The following GPC6 variants were observed in gnomAD, a reference collection of about 807,000 sequenced individuals.
GPC6 encodes glypican 6, also known as glypican-6.
GPC6 carries 14 observed loss-of-function variants against 55.2 expected under a neutral mutation model. That is an observed-to-expected ratio of 0.25 (90% CI 0.17 to 0.40). The LOEUF (loss-of-function observed/expected upper bound fraction) is 0.40. Among genes scored for constraint, GPC6 ranks in the 10% least tolerant of loss-of-function variants. The pLI is 1.00. For synonymous variants in GPC6, 278 were observed against 259.6 expected (o/e 1.07, Z -0.68); for missense variants, 641 against 708.5 (o/e 0.90, Z 1.08).
chr13:93,353,751 C>T (rs1423004577), intron 1 of GPC6, among the ~76,000 whole-genome samples: 3 of 152,160 alleles, frequency 2.0e-5, no homozygotes, highest in African/African-American at 7.2e-5. Flanking sequence ...GTAAGTTGGG[C>T]GGAAATCCTT....
intron 2 of GPC6, among the ~76,000 whole-genome samples, chr13:93,811,920 T>G (rs1886705200): frequency 6.6e-6 from 1 of 152,064 alleles, no homozygotes; most frequent in African/African-American, 2.4e-5. Context: ...GCAGCCACAC[T>G]TACTGTTATA....
intron 2 of GPC6, among the ~76,000 whole-genome samples, chr13:93,684,259 C>T (rs78893376): frequency 1.3e-5 from 2 of 152,096 alleles, no homozygotes; most frequent in East Asian, 3.9e-4. Flanking sequence ...AATCTTGGCT[C>T]ACTGCAACCT....
chr13:93,828,019 T>C (rs1887329232), intron 2 of GPC6, among the ~76,000 whole-genome samples: 1 of 152,096 alleles, frequency 6.6e-6, no homozygotes, highest in Non-Finnish European at 1.5e-5. Flanking sequence ...TTTTTTTCTC[T>C]TTCTCTTTTT....
intron 4 of GPC6, among the ~76,000 whole-genome samples, chr13:94,147,714 T>C (rs1265861643): frequency 6.6e-6 from 1 of 152,114 alleles, no homozygotes; most frequent in Admixed American, 6.6e-5. Context: ...AGAACTCTGG[T>C]TGTCTCATCT....
chr13:93,725,455 G>A (rs201814983), intron 2 of GPC6, among the ~76,000 whole-genome samples: 4 of 151,896 alleles, frequency 2.6e-5, no homozygotes, highest in Non-Finnish European at 5.9e-5. Flanking sequence ...ACAAAAGAAT[G>A]CTTCTCAGAC....
chr13:93,802,694 G>A (rs1886413770), intron 2 of GPC6, among the ~76,000 whole-genome samples: 1 of 151,970 alleles, frequency 6.6e-6, no homozygotes, highest in African/African-American at 2.4e-5. Context: ...CACCATGCTG[G>A]GGCTGAAAAT....
intron 2 of GPC6, among the ~76,000 whole-genome samples, chr13:93,647,915 G>A (rs1463313575): frequency 2.0e-5 from 3 of 152,090 alleles, no homozygotes; most frequent in Non-Finnish European, 4.4e-5. Flanking sequence ...CTTCCCTGGT[G>A]TAGTCACCTC....
intron 1 of GPC6, among the ~76,000 whole-genome samples, chr13:93,414,962 C>G (rs985327031): frequency 6.6e-6 from 1 of 151,970 alleles, no homozygotes; most frequent in African/African-American, 2.4e-5. Context: ...AGCAAGAAAA[C>G]AAAAACAAAA....
At chr13:93,956,157 A>C (rs1223563689) in intron 3 of GPC6, among the ~76,000 whole-genome samples, 1 of 152,002 alleles carries the variant, frequency 6.6e-6, no homozygotes, top group Non-Finnish European at 1.5e-5. Flanking sequence ...TGCAACTGCT[A>C]TAATACCCCA....
intron 1 of GPC6, among the ~76,000 whole-genome samples, chr13:93,535,749 C>T (rs559221539): frequency 6.7e-6 from 1 of 150,166 alleles, no homozygotes; most frequent in African/African-American, 2.5e-5. Flanking sequence ...TCATAATTGT[C>T]AGAATTTTAA....
chr13:93,668,264 C>A (rs1430038385), intron 2 of GPC6, among the ~76,000 whole-genome samples: 6 of 152,186 alleles, frequency 3.9e-5, no homozygotes, highest in Non-Finnish European at 7.3e-5. Flanking sequence ...ATGGAATATT[C>A]TTTCCCTTCC....
intron 3 of GPC6, chr13:93,836,154 AACAG>A (rs1451774205): frequency 3.9e-5 from 6 of 152,200 alleles, no homozygotes; most frequent in Admixed American, 2.0e-4. Flanking sequence ...CCTAGAAAGC[AACAG>A]ACAAAGTCAA....
At chr13:93,360,762 A>G (rs1348825275) in intron 1 of GPC6, among the ~76,000 whole-genome samples, 1 of 152,218 alleles carries the variant, frequency 6.6e-6, no homozygotes, top group Non-Finnish European at 1.5e-5. Flanking sequence ...GTTTCCAAAC[A>G]CTTTCTGTTA....
chr13:93,396,801 A>G (rs1366051911), intron 1 of GPC6, among the ~76,000 whole-genome samples: 1 of 152,146 alleles, frequency 6.6e-6, no homozygotes, highest in Non-Finnish European at 1.5e-5. Flanking sequence ...GAGCACTTAC[A>G]ATAGTGCCTG....
At chr13:93,428,312 C>T (rs10508001) in intron 1 of GPC6, among the ~76,000 whole-genome samples, 36,695 of 152,020 alleles carry the variant, frequency 0.24, 4,400 homozygotes, top group Middle Eastern at 0.29. Flanking sequence ...GCTTGTTTCA[C>T]AGAAAGCAGG....
intron 1 of GPC6, among the ~76,000 whole-genome samples, chr13:93,519,674 G>A (rs947142322): frequency 3.9e-5 from 6 of 151,936 alleles, no homozygotes; most frequent in Admixed American, 3.3e-4. Context: ...CTGGGTTCTG[G>A]GAGGCGGATG....
At chr13:93,310,616 A>G (rs948609279) in intron 1 of GPC6, among the ~76,000 whole-genome samples, 8 of 152,204 alleles carry the variant, frequency 5.3e-5, no homozygotes, top group African/African-American at 1.9e-4. Flanking sequence ...AAAATCCTGT[A>G]TATAATTTTC....
At chr13:94,261,646 T>A (rs1264000796) in intron 4 of GPC6, among the ~76,000 whole-genome samples, 1 of 152,128 alleles carries the variant, frequency 6.6e-6, no homozygotes, top group Non-Finnish European at 1.5e-5. Context: ...ACACTAATAG[T>A]TAATAACTAA....
At chr13:94,043,266 T>C (rs552658052) in intron 4 of GPC6, among the ~76,000 whole-genome samples, 1 of 151,956 alleles carries the variant, frequency 6.6e-6, no homozygotes, top group East Asian at 1.9e-4. Flanking sequence ...GGAGGGTCAT[T>C]GCTATGAAGC....
Sources: allele counts gnomAD v4.1 joint callset (sites outside exome capture counted in the v4.1 genomes callset), GRCh38; gene constraint gnomAD v4.1.1; transcripts MANE v1.5; gene names NCBI Gene and HGNC (gene_info 2026-07-23, HGNC 2026-07-21).